UNC79: variants seen among roughly 807,000 people sequenced by gnomAD.
The protein encoded by UNC79 is protein unc-79 homolog.
A neutral mutation model predicts 283.1 loss-of-function variants in UNC79; 37 were observed. That is an observed-to-expected ratio of 0.13 (90% CI 0.10 to 0.17). UNC79 has a LOEUF of 0.17. Among genes scored for constraint, UNC79 ranks in the 10% least tolerant of loss-of-function variants. UNC79 has a pLI of 1.00. For missense variants in UNC79, 2,272 were observed against 3,211.1 expected, an observed-to-expected ratio of 0.71 and a Z score of 7.07; for synonymous variants, 1,107 against 1,200.2, an observed-to-expected ratio of 0.92 and a Z score of 1.61.
At chr14:93,564,815 C>T (rs2062778646) in intron 14 of UNC79, among the ~76,000 whole-genome samples, 2 of 152,016 alleles carry the variant, frequency 1.3e-5, no homozygotes, top group African/African-American at 4.8e-5. Flanking sequence ...CCAGGATGAG[C>T]CAGGAGAAGG....
chr14:93,353,779 A>G (rs2054025208), intron 1 of UNC79, among the ~76,000 whole-genome samples: 2 of 152,212 alleles, frequency 1.3e-5, no homozygotes, highest in African/African-American at 4.8e-5. Context: ...ACACCACTGT[A>G]CACTGTGCTA....
chr14:93,548,999 AG>A lies in UNC79; in HGVS notation c.1755+6304del, dbSNP rs201174227. On this transcript the variant is annotated intron_variant, in intron 14 of 48. Coordinates refer to ENST00000555664, the Ensembl canonical transcript of UNC79. ...CAATTTCTAGATGCAAATTCTTCTT[AG>A]TATGATTCCCCAATGTGGCAAAAAG... is the stretch of plus-strand genomic sequence containing the variant. Among the ~76,000 whole-genome samples, 204 of 152,356 alleles carry A rather than the reference AG, an allele frequency of 1.3e-3. 9 individuals are homozygous for A. In the East Asian group the frequency reaches 0.036, roughly 27 times the overall value.
At chr14:93,588,639 G>C (rs2064388776) in intron 22 of UNC79, among the ~76,000 whole-genome samples, 1 of 150,972 alleles carries the variant, frequency 6.6e-6, no homozygotes, top group Admixed American at 6.6e-5. Context: ...TACTCGGGAG[G>C]CTGAAGCAGG....
At position 93,505,743 on chromosome 14, in the gene UNC79, C is replaced by A. The variant is rs1277418654; in HGVS notation, c.898+8457C>A. On this transcript the variant is annotated intron_variant, in intron 7 of 48. Coordinates refer to ENST00000555664, the Ensembl canonical transcript of UNC79. ...TTTTCTCTCTCTCTTTTTTTTTTGCCTCTTTTGCACTAAGTATATTTAAAT... is the reference window on the plus strand; with the variant it reads ...TTTTCTCTCTCTCTTTTTTTTTTGCATCTTTTGCACTAAGTATATTTAAAT... Among the ~76,000 whole-genome samples the A allele has an allele frequency of 4.1e-5, 6 of 147,184 alleles. 1 individual carries two copies. Among genetic ancestry groups the A allele is most frequent in the South Asian group, 4.3e-4 (2 of 4,678 alleles).
chr14:93,451,046 C>G (rs10150677), intron 1 of UNC79, among the ~76,000 whole-genome samples: 106,000 of 151,784 alleles, frequency 0.7, 37,402 homozygotes, highest in Middle Eastern at 0.78. Context: ...TTCACTGTAT[C>G]TTGTTTTTCT....
intron 48 of UNC79, 108 bp from the exon 52 acceptor site, chr14:93,706,596 A>T: frequency 7.8e-7 from 1 of 1,282,834 alleles, no homozygotes; most frequent in Non-Finnish European, 1.1e-6. Flanking sequence ...AGGCCAGACA[A>T]CCCTTGAGCC....
At position 93,495,626 on chromosome 14, in the gene UNC79, A is replaced by C. The variant is rs532594593; in HGVS notation, c.713-785A>C. 1.4e-4 allele frequency among the ~76,000 whole-genome samples: 21 copies of C among 152,342 alleles called. 1 individual carries two copies. In the South Asian group the frequency reaches 3.9e-3, roughly 29 times the overall value. ...GAAGCCAAGGAGTGTTTCAAAAAGG[A>C]GACAGTAGTCAGCACTACTGAATGT... On this transcript the variant is annotated intron_variant, in intron 5 of 48. Transcript: ENST00000555664.
In UNC79 at chr14:93,506,339, C is replaced by T. The variant is rs1241214634; in HGVS notation, c.898+9053C>T. On this transcript the variant is annotated intron_variant, in intron 7 of 48. Transcript: ENST00000555664. Reference sequence around the variant, plus strand: ...CTGGGTGCAAGCAATTCTCCTGCCTCGGCCTCCTGAGTAGCTGGGATTACA... The same window carrying T: ...CTGGGTGCAAGCAATTCTCCTGCCTTGGCCTCCTGAGTAGCTGGGATTACA... Among the ~76,000 whole-genome samples the T allele has an allele frequency of 3.3e-5, 5 of 152,020 alleles. No individual in the cohort carries two copies. The South Asian group carries it at 6.2e-4, about 19-fold the overall frequency.
chr14:93,674,529 TG>T, intron 41 of UNC79, among the ~76,000 whole-genome samples: 1 of 152,206 alleles, frequency 6.6e-6, no homozygotes, highest in Non-Finnish European at 1.5e-5. Context: ...TGTCATTCAA[TG>T]GCCTTTGGGT....
intron 1 of UNC79, among the ~76,000 whole-genome samples, chr14:93,395,110 T>C (rs1462196434): frequency 6.6e-6 from 1 of 152,252 alleles, no homozygotes; most frequent in Non-Finnish European, 1.5e-5. Flanking sequence ...TCTGTGCTTT[T>C]TATTTCTCCT....
At chr14:93,575,229 C>G (rs1595915443) in intron 17 of UNC79, 31 bp downstream of exon 17, 1 of 1,612,064 alleles carries the variant, frequency 6.2e-7, no homozygotes, top group Non-Finnish European at 8.5e-7. Context: ...TCTTGTCTTG[C>G]TTTTAAAAAT....
intron 19 of UNC79, 50 bp downstream of exon 19, chr14:93,580,426 T>C: frequency 6.5e-7 from 1 of 1,539,192 alleles, no homozygotes; most frequent in East Asian, 2.3e-5. Context: ...CATTAAAGAC[T>C]GCAGTAGCTG....
chr14:93,705,703 C>T (rs1412733894), intron 48 of UNC79, among the ~76,000 whole-genome samples: 1 of 152,206 alleles, frequency 6.6e-6, no homozygotes, highest in Admixed American at 6.5e-5. Flanking sequence ...AGTTACTGGG[C>T]GTGACTTAAG....
chr14:93,702,470 T>G (rs115156208), intron 47 of UNC79, among the ~76,000 whole-genome samples: 1 of 152,236 alleles, frequency 6.6e-6, no homozygotes, highest in Non-Finnish European at 1.5e-5. Flanking sequence ...TAGCGAATTA[T>G]ATACATCAAC....
At chr14:93,630,187 C>T (rs904360584) in intron 30 of UNC79, among the ~76,000 whole-genome samples, 1 of 152,188 alleles carries the variant, frequency 6.6e-6, no homozygotes, top group East Asian at 1.9e-4. Flanking sequence ...ACAGTCCATG[C>T]TCCTAAATCA....
intron 14 of UNC79, among the ~76,000 whole-genome samples, chr14:93,544,494 G>A (rs990885761): frequency 2.0e-5 from 3 of 152,088 alleles, no homozygotes; most frequent in Non-Finnish European, 2.9e-5. Flanking sequence ...ACGGAAGTTC[G>A]GCTAAGATTT....
At chr14:93,468,546 T>C (rs2057336084) in intron 2 of UNC79, among the ~76,000 whole-genome samples, 2 of 152,242 alleles carry the variant, frequency 1.3e-5, no homozygotes, top group Admixed American at 6.5e-5. Flanking sequence ...AACACATAAA[T>C]TGGCTTGGTA....
intron 14 of UNC79, among the ~76,000 whole-genome samples, chr14:93,563,582 G>A (rs1227592220): frequency 2.0e-5 from 3 of 152,188 alleles, no homozygotes; most frequent in Non-Finnish European, 4.4e-5. Flanking sequence ...CAGAGCAGTA[G>A]CCTCAATGAT....
chr14:93,453,589 T>C lies in UNC79; in HGVS notation c.23-14082T>C, dbSNP rs540393116. Among the ~76,000 whole-genome samples the C allele has an allele frequency of 1.8e-3, 268 of 152,346 alleles. 1 individual carries two copies. Among genetic ancestry groups the C allele is most frequent in the African/African-American group, 6.2e-3 (256 of 41,584 alleles). On this transcript the variant is annotated intron_variant, in intron 1 of 48. Transcript: ENST00000555664. ...GTACAATAAGCACAGTATTCAGATA[T>C]CTTATCTCATTAATTAGAAAGTGCA...
Sources: gnomAD v4.1 joint callset for allele counts (sites outside exome capture counted in the v4.1 genomes callset) on GRCh38, gnomAD v4.1.1 for gene constraint, MANE v1.5 for transcripts, NCBI Gene and HGNC (gene_info 2026-07-23, HGNC 2026-07-21) for gene names.